The following PTPRG variants were observed in gnomAD, a reference collection of about 807,000 sequenced individuals.
PTPRG encodes receptor-type tyrosine-protein phosphatase gamma.
In PTPRG, 102 loss-of-function variants were observed where a neutral mutation model predicts 165.3. The observed-to-expected ratio is 0.62, with a 90% CI of 0.53 to 0.73. The LOEUF (loss-of-function observed/expected upper bound fraction) is 0.73. PTPRG is among the 30% of genes least tolerant of loss of function. The pLI is 0.00. For synonymous variants in PTPRG, 675 were observed against 669.5 expected (o/e 1.01, Z -0.13); for missense variants, 1,866 against 1,861.4 (o/e 1.00, Z -0.05).
At chr3:61,938,454 T>C (rs1029116414) in intron 2 of PTPRG, among the ~76,000 whole-genome samples, 5 of 152,216 alleles carry the variant, frequency 3.3e-5, no homozygotes, top group Admixed American at 1.3e-4. Flanking sequence ...TTGAAATTTA[T>C]TATGAATCAA....
In PTPRG at chr3:62,255,189, C is replaced by A; in HGVS notation, c.2533C>A (p.Gln845Lys). 1.2e-6 allele frequency: 2 copies of A among 1,612,666 alleles called. No homozygotes were observed. Among genetic ancestry groups the A allele is most frequent in the South Asian group, 1.1e-5 (1 of 90,922 alleles). Residue 845 changes from glutamine (Q) to lysine (K), a missense_variant, in exon 16 of 30, where the codon CAG becomes AAG. Gln to Lys is a moderately conservative substitution (Grantham distance 53). Around this residue, in one of 3 missense-constraint regions of PTPRG, gnomAD observed 1,452 missense variants for 1,463.0 expected, o/e 0.99. Coordinates refer to ENST00000474889, the MANE Select transcript of PTPRG (RefSeq NM_002841.4). The surrounding 1 kb of genome is among the most constrained non-coding windows in gnomAD (Gnocchi z 4.0). ...KHIGELYSNN[Q>K]HGFSEDFEEV... ...CATCGGTGAGCTCTATTCTAATAACCAGCATGGGTTCTCTGAGGATTTTGA... is the reference window on the plus strand; with the variant it reads ...CATCGGTGAGCTCTATTCTAATAACAAGCATGGGTTCTCTGAGGATTTTGA...
rs578214938 is a variant in PTPRG, at chr3:62,227,454, T to C, written c.2289-3771T>C. ...CTGAATTAATACAAAGAACACCTTA[T>C]GTTATTTAATCCTCCAGCAGCCATG... is the stretch of plus-strand genomic sequence containing the variant. On this transcript the variant is annotated intron_variant, in intron 13 of 29. Transcript: ENST00000474889. 2.9e-4 allele frequency among the ~76,000 whole-genome samples: 44 copies of C among 152,334 alleles called. No homozygotes were observed. The South Asian group carries it at 8.9e-3, about 31-fold the overall frequency.
At chr3:61,889,466 T>A (rs769303472) in intron 2 of PTPRG, among the ~76,000 whole-genome samples, 43 of 152,258 alleles carry the variant, frequency 2.8e-4, no homozygotes, top group Non-Finnish European at 4.0e-4. Flanking sequence ...TCTAACTTGA[T>A]TAGCAAAGTT....
chr3:61,617,459 T>C (rs1701328430), intron 1 of PTPRG, among the ~76,000 whole-genome samples: 2 of 152,202 alleles, frequency 1.3e-5, no homozygotes, highest in South Asian at 4.1e-4. Flanking sequence ...CTTGCCTCCT[T>C]GTATGTAGGA....
At chr3:61,789,727 C>G (rs2034815125) in intron 2 of PTPRG, among the ~76,000 whole-genome samples, 1 of 152,080 alleles carries the variant, frequency 6.6e-6, no homozygotes, top group African/African-American at 2.4e-5. Flanking sequence ...TTCTGAAACC[C>G]TAAGTGTTTG....
intron 2 of PTPRG, among the ~76,000 whole-genome samples, chr3:61,945,695 A>T (rs2039743196): frequency 6.6e-6 from 1 of 152,198 alleles, no homozygotes; most frequent in African/African-American, 2.4e-5. Flanking sequence ...GCAGGCTGCA[A>T]ACATAAATAT....
chr3:62,080,983 C>T (rs959429702), intron 5 of PTPRG, among the ~76,000 whole-genome samples: 8 of 152,060 alleles, frequency 5.3e-5, no homozygotes, highest in Admixed American at 2.0e-4. Flanking sequence ...AGAGGCCGGG[C>T]GCGGTGGCTC....
At chr3:61,610,573 G>A (rs560713481) in intron 1 of PTPRG, among the ~76,000 whole-genome samples, 2 of 152,282 alleles carry the variant, frequency 1.3e-5, no homozygotes, top group African/African-American at 2.4e-5. Flanking sequence ...CTGTACTTAG[G>A]GTGATAGTAA....
intron 2 of PTPRG, among the ~76,000 whole-genome samples, chr3:61,937,937 G>GTTTT (rs140888196): frequency 2.7e-5 from 4 of 150,302 alleles, no homozygotes; most frequent in Admixed American, 6.6e-5. Context: ...TTGATCTTGG[G>GTTTT]GTTTTTTTTT....
intron 2 of PTPRG, among the ~76,000 whole-genome samples, chr3:61,813,126 T>C: frequency 6.6e-6 from 1 of 150,482 alleles, no homozygotes; most frequent in East Asian, 2.0e-4. Context: ...TAGCATGAGG[T>C]TATGTGGGGC....
intron 1 of PTPRG, among the ~76,000 whole-genome samples, chr3:61,597,379 C>G (rs936574947): frequency 6.6e-6 from 1 of 152,140 alleles, no homozygotes; most frequent in African/African-American, 2.4e-5. Context: ...CCCTCTAGAT[C>G]CTTGGATTTT....
chr3:61,945,453 G>A (rs964977498), intron 2 of PTPRG, among the ~76,000 whole-genome samples: 1 of 151,008 alleles, frequency 6.6e-6, no homozygotes, highest in South Asian at 2.1e-4. Flanking sequence ...CAGCTACTCG[G>A]GAGGCTGCGG....
At chr3:61,643,825 A>C (rs1702128459) in intron 1 of PTPRG, among the ~76,000 whole-genome samples, 1 of 152,182 alleles carries the variant, frequency 6.6e-6, no homozygotes, top group African/African-American at 2.4e-5. Context: ...GACAGTCAGC[A>C]AATGCTTATT....
chr3:62,223,022 C>A (rs780991903), intron 13 of PTPRG, among the ~76,000 whole-genome samples: 17 of 152,200 alleles, frequency 1.1e-4, no homozygotes, highest in Non-Finnish European at 1.8e-4. Flanking sequence ...TGAACCACAA[C>A]CAGCTGTCAG....
intron 2 of PTPRG, among the ~76,000 whole-genome samples, chr3:61,943,766 T>C (rs1302580442): frequency 6.6e-6 from 1 of 152,124 alleles, no homozygotes; most frequent in Non-Finnish European, 1.5e-5. Context: ...AGTCACTTAG[T>C]GTGGGTCCCT....
At chr3:61,771,146 G>C (rs1296450336) in intron 2 of PTPRG, 1 of 152,100 alleles carries the variant, frequency 6.6e-6, no homozygotes, top group Non-Finnish European at 1.5e-5. Flanking sequence ...TTTTTATGCA[G>C]AACAATGTCT....
rs559016575 is a variant in PTPRG, at chr3:62,085,286, A to G, written c.615+7028A>G. 3.0e-4 allele frequency among the ~76,000 whole-genome samples: 46 copies of G among 152,256 alleles called. 2 individuals are homozygous for G. In the South Asian group the frequency reaches 9.1e-3, roughly 30 times the overall value. On this transcript the variant is annotated intron_variant, in intron 5 of 29. Coordinates refer to ENST00000474889, the MANE Select transcript of PTPRG (RefSeq NM_002841.4). ...ACCCAAAAAGGTTGCTGTTTGTGTC[A>G]GAAGTGTAAGATTCTTGAGCTGGTC...
intron 2 of PTPRG, among the ~76,000 whole-genome samples, chr3:61,841,824 A>AAAAACAAAAC (rs371740618): frequency 2.0e-5 from 3 of 152,092 alleles, no homozygotes; most frequent in Non-Finnish European, 4.4e-5. Context: ...AAACAAAAAC[A>AAAAACAAAAC]AAAACAAAAC....
At chr3:61,924,682 C>A (rs898747990) in intron 2 of PTPRG, among the ~76,000 whole-genome samples, 1 of 152,194 alleles carries the variant, frequency 6.6e-6, no homozygotes, top group African/African-American at 2.4e-5. Context: ...ATTTAATCCT[C>A]TGGTCCAGGG....
Sources: gnomAD v4.1 joint callset for allele counts (sites outside exome capture counted in the v4.1 genomes callset) on GRCh38, gnomAD v4.1.1 for gene constraint, gnomAD v4.1.1 regional missense constraint, Gnocchi (gnomAD v3.1) non-coding constraint, MANE v1.5 for transcripts, NCBI Gene and HGNC (gene_info 2026-07-23, HGNC 2026-07-21) for gene names.